The following SRC variants were observed in gnomAD, a reference collection of about 807,000 sequenced individuals.
The protein encoded by SRC is SRC proto-oncogene, non-receptor tyrosine kinase.
Under a neutral mutation model 62.9 loss-of-function variants are expected in SRC, and 13 were observed. The ratio of observed to expected loss-of-function variants is 0.21; its 90% confidence interval spans 0.13 to 0.33. The LOEUF (loss-of-function observed/expected upper bound fraction) is 0.33. Among genes scored for constraint, SRC ranks in the 10% least tolerant of loss-of-function variants. SRC has a pLI of 1.00. For missense variants in SRC, 457 were observed against 737.3 expected, an observed-to-expected ratio of 0.62 and a Z score of 4.40; for synonymous variants, 302 against 317.5, an observed-to-expected ratio of 0.95 and a Z score of 0.52.
intron 2 of SRC, among the ~76,000 whole-genome samples, chr20:37,379,063 G>T (rs1038694039): frequency 6.6e-6 from 1 of 152,106 alleles, no homozygotes; most frequent in East Asian, 1.9e-4. Flanking sequence ...GCCACTTGGG[G>T]ACCTGCTGAG....
At position 37,403,388 on chromosome 20, in the gene SRC, G is replaced by A. The variant is rs373459859; in HGVS notation, c.*9G>A. 5.6e-5 allele frequency: 89 copies of A among 1,578,200 alleles called. 1 individual carries two copies. Among genetic ancestry groups the A allele is most frequent in the Middle Eastern group, 3.4e-4 (2 of 5,970 alleles). On this transcript the variant is annotated 3_prime_UTR_variant, in exon 14 of 14. Transcript: ENST00000373578. The surrounding 1 kb of genome is among the most constrained non-coding windows in gnomAD (Gnocchi z 7.1). ...CCGGGGAGAACCTCTAGGCACAGGC[G>A]GGCCCAGACCGGCTTCTCGGCTTGG...
rs1831336088 is a variant in SRC at position 37,384,482 on chromosome 20, G to A, written c.250+79G>A. 2 of 1,258,078 alleles carry A rather than the reference G, an allele frequency of 1.6e-6. No homozygotes were observed. The highest frequency in any genetic ancestry group is 3.1e-4 in the Middle Eastern group (1 of 3,218). The allele number at this position is 1,258,078 out of a possible 1,614,324, so 77.9% of individuals were successfully genotyped here. On this transcript the variant is annotated intron_variant, in intron 4 of 13. Transcript: ENST00000373578. This position sits in a 1 kb window ranked among gnomAD's most constrained non-coding sequence, Gnocchi z 6.7. ...GCGGCGGGGCTGTGTGCCCGGGGTC[G>A]CCCCCTCTGCGCAGGCCCTTCCTCT...
At chr20:37,380,050 G>C (rs1223422897) in intron 2 of SRC, among the ~76,000 whole-genome samples, 2 of 151,458 alleles carry the variant, frequency 1.3e-5, no homozygotes, top group African/African-American at 4.8e-5. Flanking sequence ...AAAGTGAAAA[G>C]AGGGAGGCGG....
chr20:37,364,725 C>T (rs1447451521), intron 1 of SRC, among the ~76,000 whole-genome samples: 1 of 152,200 alleles, frequency 6.6e-6, no homozygotes, highest in Middle Eastern at 3.2e-3. Flanking sequence ...CTCGGCCAGC[C>T]CAGCCACATG....
intron 2 of SRC, among the ~76,000 whole-genome samples, chr20:37,366,806 A>G (rs1438087026): frequency 1.3e-5 from 2 of 152,180 alleles, no homozygotes; most frequent in Non-Finnish European, 2.9e-5. Flanking sequence ...CTTTCTGGCT[A>G]TTATGGGTAA....
chr20:37,359,383 A>C (rs776377407), intron 1 of SRC, among the ~76,000 whole-genome samples: 1 of 152,380 alleles, frequency 6.6e-6, no homozygotes, highest in Non-Finnish European at 1.5e-5. Context: ...GAAACTGCAC[A>C]CACAGCCCGT....
chr20:37,380,603 C>T, intron 2 of SRC, among the ~76,000 whole-genome samples: 1 of 152,180 alleles, frequency 6.6e-6, no homozygotes, highest in Non-Finnish European at 1.5e-5. Context: ...ATTATACATC[C>T]ATGCCCATTT....
intron 1 of SRC, among the ~76,000 whole-genome samples, 179 bp downstream of exon 1, chr20:37,346,434 A>T (rs1484778431): frequency 1.4e-5 from 2 of 144,788 alleles, no homozygotes; most frequent in Non-Finnish European, 3.1e-5. Context: ...GCACGGGGCC[A>T]TGCCCGGCGC....
At chr20:37,381,321 A>G (rs1396716539) in intron 2 of SRC, among the ~76,000 whole-genome samples, 2 of 152,036 alleles carry the variant, frequency 1.3e-5, no homozygotes, top group African/African-American at 4.8e-5. Context: ...TCCCCTTCCA[A>G]GAGGTGACAT....
chr20:37,370,372 C>G (rs908302882), intron 2 of SRC, among the ~76,000 whole-genome samples: 12 of 152,160 alleles, frequency 7.9e-5, no homozygotes, highest in African/African-American at 2.9e-4. Flanking sequence ...GTCAGGAGTT[C>G]GAAACCAGCC....
chr20:37,379,765 C>T (rs1374248254), intron 2 of SRC, among the ~76,000 whole-genome samples: 2 of 146,946 alleles, frequency 1.4e-5, no homozygotes, highest in African/African-American at 2.5e-5. Context: ...GCGTGGTATT[C>T]GGTGACTGTA....
At chr20:37,349,013 G>A (rs769637691) in intron 1 of SRC, among the ~76,000 whole-genome samples, 4 of 152,204 alleles carry the variant, frequency 2.6e-5, no homozygotes, top group Non-Finnish European at 2.9e-5. Context: ...ATGAGGGGGT[G>A]TATCAGCAGG....
Position 37,402,666 on chromosome 20 carries a change from A to T in SRC, c.1270+78A>T. On this transcript the variant is annotated intron_variant, in intron 12 of 13. Transcript: ENST00000373578. This position sits in a 1 kb window ranked among gnomAD's most constrained non-coding sequence, Gnocchi z 6.2. ...CGCTCTGAGCCCCAGTTTTTTCCTC[A>T]GCTGTCATTCCTCATGGTGCTTATC... The T allele has an allele frequency of 6.4e-7, 1 of 1,569,940 alleles. No homozygotes were observed. The highest frequency in any genetic ancestry group is 8.7e-7 in the Non-Finnish European group (1 of 1,155,342).
At position 37,394,267 on chromosome 20, in the gene SRC, G is replaced by A. The variant is rs1169981044; in HGVS notation, c.543G>A (p.Glu181=). The A allele has an allele frequency of 6.2e-7, 1 of 1,613,940 alleles. No homozygotes were observed. The change falls in exon 7 of 14, where the codon GAG becomes GAA. Residue 181 remains glutamate, a synonymous_variant. Transcript: ENST00000373578. The stretch of plus-strand genomic sequence containing the variant: ...GGACCTTCCTCGTGCGAGAAAGTGA[G>A]ACCACGAAAGGTACGAGCGCTCTTG... ...PRGTFLVRES[E]TTKGAYCLSV... is the part of the protein sequence containing the mutation.
chr20:37,374,937 CTT>C (rs879291571), intron 2 of SRC, among the ~76,000 whole-genome samples: 1 of 143,272 alleles, frequency 7.0e-6, no homozygotes. Context: ...TTTTTCTATT[CTT>C]TTTTTTTTTG....
intron 2 of SRC, among the ~76,000 whole-genome samples, chr20:37,381,114 T>C (rs1014379243): frequency 2.0e-5 from 3 of 152,098 alleles, no homozygotes; most frequent in Non-Finnish European, 4.4e-5. Flanking sequence ...ACCTCAACCG[T>C]CTGCCTCTCC....
rs1028755393 is a variant in SRC, at chr20:37,396,351, C to G, written c.703+40C>G. The G allele has an allele frequency of 1.2e-6, 2 of 1,607,534 alleles. No individual in the cohort carries two copies. Among genetic ancestry groups the G allele is most frequent in the Non-Finnish European group, 1.7e-6 (2 of 1,178,930 alleles). The stretch of plus-strand genomic sequence containing the variant: ...GAGGGCGGAGGGCGGGCGGGCAAAG[C>G]CTCAGCTGCAGACTCTGGGGAGGGG... On this transcript the variant is annotated intron_variant, in intron 8 of 13. Transcript: ENST00000373578. The surrounding 1 kb of genome is among the most constrained non-coding windows in gnomAD (Gnocchi z 6.1).
Position 37,384,263 on chromosome 20 carries a change from C to T in SRC, c.110C>T (p.Thr37Ile), listed in dbSNP as rs769523302. ...AGGGAFPASQ[T>I]PSKPASADGH... The stretch of plus-strand genomic sequence containing the variant: ...GGGGGCGCTTTCCCCGCCTCGCAGA[C>T]CCCCAGCAAGCCAGCCTCGGCCGAC... Residue 37 changes from threonine to isoleucine, a missense_variant, in exon 4 of 14, where the codon ACC (threonine) becomes ATC (isoleucine). Physicochemically the swap from Thr to Ile is moderately conservative, Grantham distance 89. Coordinates refer to ENST00000373578, the MANE Select transcript of SRC (RefSeq NM_198291.3). The surrounding 1 kb of genome is among the most constrained non-coding windows in gnomAD (Gnocchi z 6.7). 35 of 1,557,612 alleles carry T rather than the reference C, an allele frequency of 2.2e-5. No individual in the cohort carries two copies. Among genetic ancestry groups the T allele is most frequent in the Admixed American group, 7.4e-5 (4 of 53,840 alleles).
At chr20:37,349,282 G>A (rs1340489456) in intron 1 of SRC, among the ~76,000 whole-genome samples, 1 of 152,212 alleles carries the variant, frequency 6.6e-6, no homozygotes, top group Non-Finnish European at 1.5e-5. Flanking sequence ...TTCACTAGCA[G>A]CAAGGCTGGA....
Sources: gnomAD v4.1 joint callset for allele counts (sites outside exome capture counted in the v4.1 genomes callset) on GRCh38, gnomAD v4.1.1 for gene constraint, Gnocchi (gnomAD v3.1) non-coding constraint, MANE v1.5 for transcripts, NCBI Gene and HGNC (gene_info 2026-07-23, HGNC 2026-07-21) for gene names.